FGGY: variants seen among roughly 807,000 people sequenced by gnomAD.
The protein encoded by FGGY is FGGY carbohydrate kinase domain containing, also known as FGGY carbohydrate kinase domain-containing protein.
Under a neutral mutation model 71.3 loss-of-function variants are expected in FGGY, and 72 were observed. The ratio of observed to expected loss-of-function variants is 1.01; its 90% CI spans 0.84 to 1.23. FGGY has a LOEUF of 1.23. Ranked by LOEUF, FGGY falls within the 50% of genes most tolerant of loss-of-function variation. FGGY has a pLI of 0.00. For missense variants in FGGY, 668 were observed against 682.3 expected (o/e 0.98, Z 0.23); for synonymous variants, 251 against 250.3 (o/e 1.00, Z -0.02).
intron 6 of FGGY, among the ~76,000 whole-genome samples, chr1:59,475,959 C>T (rs1264448326): frequency 1.9e-4 from 29 of 152,236 alleles, no homozygotes; most frequent in Admixed American, 1.9e-3. Context: ...TTGCCATGTT[C>T]AACAAAGTCT....
intron 8 of FGGY, among the ~76,000 whole-genome samples, chr1:59,557,676 C>G (rs2095712049): frequency 6.6e-6 from 1 of 152,104 alleles, no homozygotes; most frequent in Admixed American, 6.5e-5. Flanking sequence ...TAATTACTAC[C>G]AAGTCACCAA....
chr1:59,583,802 G>C (rs1236196062), intron 8 of FGGY, among the ~76,000 whole-genome samples: 1 of 142,380 alleles, frequency 7.0e-6, no homozygotes, highest in Non-Finnish European at 1.5e-5. Context: ...ATGTCAAAGA[G>C]AGTGAGGAGT....
intron 14 of FGGY, among the ~76,000 whole-genome samples, chr1:59,701,196 T>C (rs1365117391): frequency 6.6e-6 from 1 of 152,144 alleles, no homozygotes; most frequent in African/African-American, 2.4e-5. Context: ...TATATACCCA[T>C]AGCCCCACAC....
At chr1:59,647,234 G>A (rs1291849192) in intron 11 of FGGY, among the ~76,000 whole-genome samples, 1 of 152,188 alleles carries the variant, frequency 6.6e-6, no homozygotes, top group African/African-American at 2.4e-5. Flanking sequence ...CAGCAAGTAT[G>A]GGCCAGAAGA....
intron 13 of FGGY, among the ~76,000 whole-genome samples, 185 bp downstream of exon 13, chr1:59,667,588 G>A (rs567188372): frequency 6.6e-6 from 1 of 152,334 alleles, no homozygotes; most frequent in East Asian, 1.9e-4. Flanking sequence ...GCATGATGGA[G>A]AAAGTGATTT....
chr1:59,414,727 G>A (rs955584558), intron 5 of FGGY, among the ~76,000 whole-genome samples: 44 of 152,192 alleles, frequency 2.9e-4, no homozygotes, highest in Non-Finnish European at 4.9e-4. Flanking sequence ...AGCAGGCCCT[G>A]GGGAGATTGT....
chr1:59,297,352 G>C (rs1283335916), intron 1 of FGGY, among the ~76,000 whole-genome samples: 1 of 152,164 alleles, frequency 6.6e-6, no homozygotes, highest in Non-Finnish European at 1.5e-5. Context: ...ATTCACGTCT[G>C]GCTACCGAAG....
chr1:59,487,595 T>A (rs1013963339), intron 6 of FGGY, among the ~76,000 whole-genome samples: 4 of 152,206 alleles, frequency 2.6e-5, no homozygotes, highest in Admixed American at 6.5e-5. Context: ...AGCATTAAGA[T>A]CTGTAGTTGC....
At chr1:59,383,455 A>G (rs1371932398) in intron 5 of FGGY, among the ~76,000 whole-genome samples, 1 of 152,172 alleles carries the variant, frequency 6.6e-6, no homozygotes, top group Non-Finnish European at 1.5e-5. Flanking sequence ...CGCCATCTGA[A>G]TGGACCCCTT....
chr1:59,590,624 C>T (rs571240907), intron 8 of FGGY, among the ~76,000 whole-genome samples: 4 of 152,272 alleles, frequency 2.6e-5, no homozygotes, highest in African/African-American at 4.8e-5. Context: ...GGATGTAAGG[C>T]TGGTTCAATA....
At chr1:59,395,674 T>C (rs1401482087) in intron 5 of FGGY, among the ~76,000 whole-genome samples, 1 of 152,206 alleles carries the variant, frequency 6.6e-6, no homozygotes, top group Non-Finnish European at 1.5e-5. Context: ...GTATTTTAGA[T>C]ACATTAACCC....
At chr1:59,395,457 A>T (rs1036733371) in intron 5 of FGGY, among the ~76,000 whole-genome samples, 1 of 152,188 alleles carries the variant, frequency 6.6e-6, no homozygotes, top group Non-Finnish European at 1.5e-5. Flanking sequence ...ATTTAAGCAG[A>T]TAATGCTTGG....
intron 14 of FGGY, among the ~76,000 whole-genome samples, chr1:59,718,756 G>C (rs1390279541): frequency 1.3e-5 from 2 of 152,156 alleles, no homozygotes; most frequent in Non-Finnish European, 2.9e-5. Context: ...ACTCCCCGCT[G>C]TATACCATGG....
rs558410132 is a variant in FGGY, at chr1:59,509,724, T to C, written c.671-2587T>C. On this transcript the variant is annotated intron_variant, in intron 6 of 15. Coordinates refer to ENST00000303721, the MANE Select transcript of FGGY (RefSeq NM_018291.5). ...ATTAGACCCAGATCTCCTGTCTGCA[T>C]GCCCAGGACTCTCTCTGCCTCGCAG... Among the ~76,000 whole-genome samples the C allele has an allele frequency of 2.6e-5, 4 of 152,350 alleles. No homozygotes were observed. The South Asian group carries it at 8.3e-4, about 32-fold the overall frequency.
chr1:59,506,218 T>C (rs969049053), intron 6 of FGGY, among the ~76,000 whole-genome samples: 1 of 152,210 alleles, frequency 6.6e-6, no homozygotes, highest in Non-Finnish European at 1.5e-5. Context: ...TACAAGGTCA[T>C]GGGATATAAG....
At chr1:59,333,727 C>T (rs1025426134) in intron 2 of FGGY, among the ~76,000 whole-genome samples, 4 of 152,200 alleles carry the variant, frequency 2.6e-5, no homozygotes, top group Non-Finnish European at 4.4e-5. Flanking sequence ...CCTTCAGCCA[C>T]GTAGCCATGG....
intron 14 of FGGY, among the ~76,000 whole-genome samples, chr1:59,685,589 G>C (rs1469048523): frequency 6.6e-6 from 1 of 152,104 alleles, no homozygotes; most frequent in African/African-American, 2.4e-5. Flanking sequence ...TTCTGTATCA[G>C]GTAGGAGAAA....
At chr1:59,609,028 G>A (rs2096650168) in intron 9 of FGGY, among the ~76,000 whole-genome samples, 1 of 152,164 alleles carries the variant, frequency 6.6e-6, no homozygotes, top group Non-Finnish European at 1.5e-5. Flanking sequence ...GCTAGGTTAG[G>A]AAACTCTTTA....
chr1:59,608,852 C>A (rs749910099), intron 9 of FGGY, among the ~76,000 whole-genome samples: 7 of 152,072 alleles, frequency 4.6e-5, no homozygotes, highest in Admixed American at 2.6e-4. Context: ...AAAAACCCCA[C>A]AAAATAAAGA....
Sources: allele counts gnomAD v4.1 joint callset (sites outside exome capture counted in the v4.1 genomes callset), GRCh38; gene constraint gnomAD v4.1.1; transcripts MANE v1.5; gene names NCBI Gene and HGNC (gene_info 2026-07-23, HGNC 2026-07-21).